Variants in PCSK6 observed in about 807,000 individuals in gnomAD.
The protein encoded by PCSK6 is proprotein convertase subtilisin/kexin type 6.
PCSK6 carries 85 observed loss-of-function variants against 123.3 expected under a neutral mutation model. The observed-to-expected ratio is 0.69, with a 90% CI of 0.58 to 0.83. The LOEUF (loss-of-function observed/expected upper bound fraction) is 0.83, where lower values mean the gene tolerates loss of function less well. Ranked by LOEUF, PCSK6 falls within the 40% of genes least tolerant of loss-of-function variation. The probability of loss-of-function intolerance (pLI) is 0.00; values close to 1 mark genes in which losing one functional copy is unlikely to be tolerated. For missense variants in PCSK6, 1,191 were observed against 1,282.3 expected (o/e 0.93, Z 1.09); for synonymous variants, 508 against 516.0 (o/e 0.98, Z 0.21).
At chr15:101,434,693 C>T (rs2056545121) in intron 2 of PCSK6, among the ~76,000 whole-genome samples, 2 of 152,220 alleles carry the variant, frequency 1.3e-5, no homozygotes, top group South Asian at 4.1e-4. Context: ...GAGGTGCTCT[C>T]AGGCCAATGG....
intron 6 of PCSK6, among the ~76,000 whole-genome samples, chr15:101,410,518 G>A (rs967817592): frequency 6.6e-6 from 1 of 152,218 alleles, no homozygotes. Context: ...GCCCTCTCTC[G>A]CTCCCTCCTG....
rs1387375743 is a variant in PCSK6, at chr15:101,398,345, A to G, written c.996+59T>C. 3 of 1,536,048 alleles carry G rather than the reference A, an allele frequency of 2.0e-6. No individual in the cohort carries two copies. Among genetic ancestry groups the G allele is most frequent in the Non-Finnish European group, 2.6e-6 (3 of 1,132,510 alleles). ...GGCCAGTGTCACTCTGATACTTGTT[A>G]AAATGTTTACTGTCACCCTTGTCCC... On this transcript the variant is annotated intron_variant, in intron 7 of 21. Transcript: ENST00000611716. This position sits in a 1 kb window ranked among gnomAD's most constrained non-coding sequence, Gnocchi z 4.6.
chr15:101,322,498 T>C (rs375986134), intron 18 of PCSK6, 22 bp downstream of exon 18: 309 of 1,540,828 alleles, frequency 2.0e-4, no homozygotes, highest in Non-Finnish European at 2.7e-4. Flanking sequence ...CTGACATTCC[T>C]CAGGTTTCGA....
chr15:101,431,589 T>G, intron 3 of PCSK6, 126 bp from the exon 4 acceptor site: 1 of 1,132,628 alleles, frequency 8.8e-7, no homozygotes, highest in Non-Finnish European at 1.3e-6. Flanking sequence ...CACCTATCCC[T>G]GCCTTACATA....
intron 13 of PCSK6, among the ~76,000 whole-genome samples, chr15:101,344,524 T>C (rs1208871197): frequency 6.6e-6 from 1 of 152,160 alleles, no homozygotes; most frequent in East Asian, 1.9e-4. Context: ...CCCTCCCTCC[T>C]CTCCTGCTGG....
chr15:101,425,255 G>C (rs544388477), intron 6 of PCSK6, among the ~76,000 whole-genome samples: 1 of 152,302 alleles, frequency 6.6e-6, no homozygotes, highest in African/African-American at 2.4e-5. Flanking sequence ...GGCTGGCCTT[G>C]ACCCAAGGAT....
At chr15:101,465,521 G>A (rs1220645167) in intron 1 of PCSK6, among the ~76,000 whole-genome samples, 2 of 152,166 alleles carry the variant, frequency 1.3e-5, no homozygotes, top group African/African-American at 4.8e-5. Context: ...CTGAGCTGGC[G>A]GGATGAGGGC....
At chr15:101,315,852 C>G (rs1461649866) in intron 19 of PCSK6, among the ~76,000 whole-genome samples, 1 of 152,256 alleles carries the variant, frequency 6.6e-6, no homozygotes, top group Non-Finnish European at 1.5e-5. Flanking sequence ...ATTACAACCT[C>G]CATGCCAGGA....
At chr15:101,435,338 G>T (rs940714662) in intron 2 of PCSK6, among the ~76,000 whole-genome samples, 6 of 151,904 alleles carry the variant, frequency 3.9e-5, no homozygotes, top group Non-Finnish European at 5.9e-5. Context: ...AAGAAAGAAA[G>T]AAAGAAAATG....
intron 13 of PCSK6, among the ~76,000 whole-genome samples, chr15:101,355,880 G>C (rs188383365): frequency 2.6e-5 from 4 of 152,150 alleles, no homozygotes; most frequent in Non-Finnish European, 5.9e-5. Context: ...CGTAGGCTCC[G>C]AGGCAAGAAG....
chr15:101,443,091 A>G lies in PCSK6; in HGVS notation c.402+465T>C, dbSNP rs370399825. 1.2e-4 allele frequency among the ~76,000 whole-genome samples: 19 copies of G among 152,386 alleles called. 2 individuals are homozygous for G. The highest frequency in any genetic ancestry group is 8.3e-4 in the South Asian group (4 of 4,832). ...CCACCCAATAAATACGGGTTATGTT[A>G]AAATTTAAAATGTTAGCCTCCTTTC... is the stretch of plus-strand genomic sequence containing the variant. On this transcript the variant is annotated intron_variant, in intron 2 of 21. Transcript: ENST00000611716.
intron 1 of PCSK6, among the ~76,000 whole-genome samples, chr15:101,487,827 C>T (rs1019176336): frequency 3.3e-5 from 5 of 151,890 alleles, no homozygotes; most frequent in African/African-American, 9.7e-5. Context: ...CAGTGCTACC[C>T]GACGGCAAAA....
In PCSK6 at chr15:101,398,622, A is replaced by C. The variant is rs560403719; in HGVS notation, c.824-46T>G. The C allele has an allele frequency of 1.5e-5, 23 of 1,580,596 alleles. No individual in the cohort carries two copies. In the East Asian group the frequency reaches 4.3e-4, roughly 29 times the overall value. On this transcript the variant is annotated intron_variant, in intron 6 of 21. Coordinates refer to ENST00000611716, the MANE Select transcript of PCSK6 (RefSeq NM_002570.5). This position sits in a 1 kb window ranked among gnomAD's most constrained non-coding sequence, Gnocchi z 4.6. ...CGGTGTCGGCGCCCAGGCTCCGGGC[A>C]CACAGCGACGGGAACCCGGGCCCAG...
intron 7 of PCSK6, among the ~76,000 whole-genome samples, chr15:101,395,274 C>G (rs527708557): frequency 6.6e-6 from 1 of 152,332 alleles, no homozygotes; most frequent in Non-Finnish European, 1.5e-5. Context: ...CCTGGAGTCA[C>G]CTGGGAACCT....
At chr15:101,321,115 G>A (rs566227275) in intron 18 of PCSK6, among the ~76,000 whole-genome samples, 1 of 152,294 alleles carries the variant, frequency 6.6e-6, no homozygotes, top group South Asian at 2.1e-4. Context: ...CTGGGTTGAG[G>A]ATCCACTCCT....
chr15:101,368,729 C>T (rs146427656), intron 12 of PCSK6, among the ~76,000 whole-genome samples: 3 of 152,306 alleles, frequency 2.0e-5, no homozygotes, highest in South Asian at 2.1e-4. Context: ...GCTGCCAGCA[C>T]GGAAAACATG....
chr15:101,308,016 ATCTT>A (rs2039765154), intron 20 of PCSK6: 1 of 152,316 alleles, frequency 6.6e-6, no homozygotes, highest in South Asian at 2.1e-4. Flanking sequence ...TTCATTGACA[ATCTT>A]TTGTGTAGCA....
In PCSK6 at chr15:101,431,458, A is replaced by G; in HGVS notation, c.519T>C (p.Cys173=). 6.2e-7 allele frequency: 1 copy of G among 1,613,690 alleles called. No homozygotes were observed. Among genetic ancestry groups the G allele is most frequent in the Non-Finnish European group, 8.5e-7 (1 of 1,179,820 alleles). ...ACCGGCAGCGACTGTTCTTGTCGCC[A>G]CAATGCTGTAAGCACGAAAGACACA... The part of the protein sequence containing the change: ...PIWSNMWYLH[C]GDKNSRCRSE... Residue 173 remains cysteine, a synonymous_variant, in exon 4 of 22, where the codon TGT becomes TGC. Transcript: ENST00000611716.
At chr15:101,327,821 T>TG (rs1050513103) in intron 15 of PCSK6, among the ~76,000 whole-genome samples, 15 of 152,166 alleles carry the variant, frequency 9.9e-5, no homozygotes, top group East Asian at 7.7e-4. Flanking sequence ...TAGTTTTCAC[T>TG]GGGGGGGCTT....
Sources: allele counts gnomAD v4.1 joint callset (sites outside exome capture counted in the v4.1 genomes callset), GRCh38; gene constraint gnomAD v4.1.1; non-coding constraint Gnocchi (gnomAD v3.1); transcripts MANE v1.5; gene names NCBI Gene and HGNC (gene_info 2026-07-23, HGNC 2026-07-21).